The following RASGRF1 variants were observed in gnomAD, a reference collection of about 807,000 sequenced individuals.
The protein encoded by RASGRF1 is Ras protein specific guanine nucleotide releasing factor 1.
A neutral mutation model predicts 138.7 loss-of-function variants in RASGRF1; 40 were observed. The ratio of observed to expected loss-of-function variants is 0.29; its 90% CI spans 0.22 to 0.38. The LOEUF is 0.38. RASGRF1 is among the 10% of genes least tolerant of loss of function. The probability of loss-of-function intolerance (pLI) is 1.00; values close to 1 mark genes in which losing one functional copy is unlikely to be tolerated. For synonymous variants in RASGRF1, 614 were observed against 663.2 expected (o/e 0.93, Z 1.14); for missense variants, 1,108 against 1,650.4 (o/e 0.67, Z 5.69).
intron 2 of RASGRF1, among the ~76,000 whole-genome samples, chr15:79,061,430 A>ATATATATATATATATATATATC (rs933269711): frequency 2.7e-5 from 4 of 147,224 alleles, no homozygotes; most frequent in East Asian, 2.0e-4. Flanking sequence ...ATATATATAT[A>ATATATATATATATATATATATC]TCATTCATTT....
At chr15:78,996,914 A>ATT (rs1418836370) in intron 19 of RASGRF1, among the ~76,000 whole-genome samples, 1 of 152,032 alleles carries the variant, frequency 6.6e-6, no homozygotes, top group Non-Finnish European at 1.5e-5. Flanking sequence ...GACTTGGGGG[A>ATT]AAGTCTGGGG....
chr15:78,996,410 C>T (rs1294534246), intron 19 of RASGRF1, among the ~76,000 whole-genome samples: 2 of 152,194 alleles, frequency 1.3e-5, no homozygotes, highest in Admixed American at 6.5e-5. Flanking sequence ...CAGGCCTGGG[C>T]TGCGTGGGGA....
chr15:79,048,390 C>T (rs978095563), intron 4 of RASGRF1, among the ~76,000 whole-genome samples: 3 of 152,178 alleles, frequency 2.0e-5, no homozygotes, highest in Admixed American at 6.5e-5. Flanking sequence ...GCCTCTGGAG[C>T]TTGGCCGCCA....
intron 5 of RASGRF1, among the ~76,000 whole-genome samples, chr15:79,040,430 CA>C (rs111264933): frequency 2.0e-5 from 3 of 152,224 alleles, no homozygotes; most frequent in Non-Finnish European, 2.9e-5. Context: ...TGAATCTAAT[CA>C]GGGGGAGTGG....
intron 2 of RASGRF1, among the ~76,000 whole-genome samples, chr15:79,058,762 A>G (rs2057544900): frequency 6.6e-6 from 1 of 152,228 alleles, no homozygotes; most frequent in Non-Finnish European, 1.5e-5. Flanking sequence ...GATAAATAAC[A>G]GGGCTAGAAG....
rs1019994593 is a variant in RASGRF1, at chr15:79,046,560, C to T, written c.878+186G>A. ...TATACTTTGTGAGCCTACATTTGTG[C>T]CCCTGCCCCAGACCCCACAATTATT... On this transcript the variant is annotated intron_variant, in intron 5 of 26. Coordinates refer to ENST00000558480, the MANE Select transcript of RASGRF1 (RefSeq NM_001145648.3). The surrounding 1 kb of genome is among the most constrained non-coding windows in gnomAD (Gnocchi z 5.3). Among the ~76,000 whole-genome samples the T allele has an allele frequency of 6.6e-6, 1 of 152,204 alleles. No individual in the cohort carries two copies. The highest frequency in any genetic ancestry group is 1.5e-5 in the Non-Finnish European group (1 of 68,034).
chr15:79,064,246 G>A (rs1220597347), intron 2 of RASGRF1, among the ~76,000 whole-genome samples, 174 bp downstream of exon 2: 2 of 152,164 alleles, frequency 1.3e-5, no homozygotes, highest in African/African-American at 4.8e-5. Context: ...GCACTGAGAG[G>A]CTCATCCCAG....
At chr15:79,057,814 C>T (rs548535585) in intron 3 of RASGRF1, among the ~76,000 whole-genome samples, 62 of 152,300 alleles carry the variant, frequency 4.1e-4, no homozygotes, top group African/African-American at 1.4e-3. Context: ...GCAACAATGC[C>T]GCCTCCAGAA....
intron 2 of RASGRF1, among the ~76,000 whole-genome samples, chr15:79,060,052 G>A (rs142929883): frequency 1.7e-3 from 253 of 149,830 alleles, no homozygotes; most frequent in Non-Finnish European, 2.9e-3. Context: ...GTTCAGTGAT[G>A]CTTACAGTTA....
chr15:79,024,030 CACACAT>C lies in RASGRF1; in HGVS notation c.1542+1278_1542+1283del, dbSNP rs900945171. ...CACAGATACACACATCACACACACACACACATACAAACACACACACACACATACACA... is the reference window on the plus strand; with the variant it reads ...CACAGATACACACATCACACACACACACAAACACACACACACACATACACA... On this transcript the variant is annotated intron_variant, in intron 10 of 26. Coordinates refer to ENST00000558480, the MANE Select transcript of RASGRF1 (RefSeq NM_001145648.3). Among the ~76,000 whole-genome samples, 52 of 149,058 alleles carry C rather than the reference CACACAT, an allele frequency of 3.5e-4. 1 individual carries two copies. Among genetic ancestry groups the C allele is most frequent in the Admixed American group, 2.0e-4 (3 of 15,088 alleles).
intron 5 of RASGRF1, among the ~76,000 whole-genome samples, chr15:79,036,354 C>G (rs1293323918): frequency 6.6e-6 from 1 of 152,164 alleles, no homozygotes; most frequent in Non-Finnish European, 1.5e-5. Context: ...TGGGCCGGAC[C>G]CTCTCTGTCC....
chr15:79,061,431 T>TATATA (rs1555461889), intron 2 of RASGRF1, among the ~76,000 whole-genome samples: 1 of 144,610 alleles, frequency 6.9e-6, no homozygotes, highest in African/African-American at 2.6e-5. Flanking sequence ...TATATATATA[T>TATATA]CATTCATTTT....
intron 4 of RASGRF1, among the ~76,000 whole-genome samples, chr15:79,048,530 T>C (rs1469356421): frequency 6.6e-6 from 1 of 152,236 alleles, no homozygotes. Flanking sequence ...TTAGTGAGGA[T>C]AGAATTAATC....
intron 3 of RASGRF1, among the ~76,000 whole-genome samples, chr15:79,055,414 G>A (rs2057497893): frequency 6.6e-6 from 1 of 152,166 alleles, no homozygotes; most frequent in Non-Finnish European, 1.5e-5. Flanking sequence ...GAGAGAGAGA[G>A]AGACAGAGAG....
At chr15:79,037,371 T>G (rs969833717) in intron 5 of RASGRF1, among the ~76,000 whole-genome samples, 17 of 151,102 alleles carry the variant, frequency 1.1e-4, no homozygotes, top group African/African-American at 1.7e-4. Context: ...AGACGGATGG[T>G]GGGGTGGGGG....
intron 3 of RASGRF1, among the ~76,000 whole-genome samples, chr15:79,052,016 C>T (rs1028911340): frequency 3.3e-5 from 5 of 152,190 alleles, no homozygotes; most frequent in Non-Finnish European, 5.9e-5. Context: ...TGGTTACATC[C>T]TGCCCCTACT....
At chr15:79,053,090 AC>A (rs2057454590) in intron 3 of RASGRF1, among the ~76,000 whole-genome samples, 1 of 151,930 alleles carries the variant, frequency 6.6e-6, no homozygotes, top group African/African-American at 2.4e-5. Context: ...ACATGGTGAA[AC>A]CCCATCTTAC....
chr15:79,013,317 C>T (rs1400646790), intron 13 of RASGRF1, among the ~76,000 whole-genome samples: 1 of 152,176 alleles, frequency 6.6e-6, no homozygotes. Flanking sequence ...TACCCCACCA[C>T]CTGTTCAGTG....
rs148172067 is a variant in RASGRF1, at chr15:79,009,747, T to C, written c.1827-3313A>G. Among the ~76,000 whole-genome samples the C allele has an allele frequency of 8.2e-3, 1,248 of 152,102 alleles. 17 individuals are homozygous for C. Among genetic ancestry groups the C allele is most frequent in the African/African-American group, 0.029 (1,195 of 41,458 alleles). Reference sequence around the variant, plus strand: ...TTTTTTTTTTTCTTTTTAATTGAGATGGACTCCCGCTCTGTTGCCCAGGCT... The same window carrying C: ...TTTTTTTTTTTCTTTTTAATTGAGACGGACTCCCGCTCTGTTGCCCAGGCT... On this transcript the variant is annotated intron_variant, in intron 13 of 26. Transcript: ENST00000558480.
Sources: allele counts gnomAD v4.1 joint callset (sites outside exome capture counted in the v4.1 genomes callset), GRCh38; gene constraint gnomAD v4.1.1; non-coding constraint Gnocchi (gnomAD v3.1); transcripts MANE v1.5; gene names NCBI Gene and HGNC (gene_info 2026-07-23, HGNC 2026-07-21).